STAU1: variants seen among roughly 807,000 people sequenced by gnomAD.
STAU1 encodes the protein double-stranded RNA-binding protein Staufen homolog 1.
STAU1 carries 13 observed loss-of-function variants against 62.9 expected under a neutral mutation model. The observed-to-expected ratio is 0.21, with a 90% confidence interval of 0.13 to 0.33. The LOEUF (loss-of-function observed/expected upper bound fraction) is 0.33. Among genes scored for constraint, STAU1 ranks in the 10% least tolerant of loss-of-function variants. The pLI, the probability that STAU1 is intolerant of heterozygous loss-of-function variation, is 1.00. For synonymous variants in STAU1, 269 were observed against 265.1 expected, an observed-to-expected ratio of 1.01 and a Z score of -0.14; for missense variants, 571 against 712.1, an observed-to-expected ratio of 0.80 and a Z score of 2.25.
the STAU1 span, among the ~76,000 whole-genome samples, chr20:49,208,345 A>G: frequency 6.6e-6 from 1 of 152,026 alleles, no homozygotes; most frequent in South Asian, 2.1e-4. Flanking sequence ...GGTGTGAGCC[A>G]CCGCACGTGG....
chr20:49,123,290 T>C, intron 7 of STAU1, 55 bp from the exon 8 acceptor site: 2 of 1,613,158 alleles, frequency 1.2e-6, no homozygotes, highest in Non-Finnish European at 1.7e-6. Context: ...ATGAACTTGG[T>C]CAACTCAGAG....
Position 49,117,393 on chromosome 20 carries a change from T to G in STAU1, c.1510-145A>C. ...TGTGGCCATACTAACACCTGCCCTG[T>G]CAGCCCAGAACCTTCCAGGAACCTA... On this transcript the variant is annotated intron_variant, in intron 11 of 13. Transcript: ENST00000371856. This position sits in a 1 kb window ranked among gnomAD's most constrained non-coding sequence, Gnocchi z 4.6. The G allele has an allele frequency of 9.8e-7, 1 of 1,020,110 alleles. No homozygotes were observed. Among genetic ancestry groups the G allele is most frequent in the South Asian group, 1.6e-5 (1 of 63,718 alleles). 63.2% of individuals were successfully genotyped at this position (1,020,110 alleles called of 1,614,324 possible).
chr20:49,117,033 C>T lies in STAU1; in HGVS notation c.1632+93G>A. The T allele has an allele frequency of 6.7e-7, 1 of 1,483,178 alleles. No homozygotes were observed. Among genetic ancestry groups the T allele is most frequent in the Non-Finnish European group, 9.2e-7 (1 of 1,084,522 alleles). The allele number at this position is 1,483,178 out of a possible 1,614,324, so 91.9% of individuals were successfully genotyped here. On this transcript the variant is annotated intron_variant, in intron 12 of 13. Transcript: ENST00000371856. The surrounding 1 kb of genome is among the most constrained non-coding windows in gnomAD (Gnocchi z 4.6). Reference sequence around the variant, plus strand: ...TCTCAAGGTCTATGGGACAATCTTTCTCCCATCTTCCTCAGGCTAGTAACA... The same window carrying T: ...TCTCAAGGTCTATGGGACAATCTTTTTCCCATCTTCCTCAGGCTAGTAACA...
chr20:49,199,465 G>C, the STAU1 span, among the ~76,000 whole-genome samples: 1 of 151,180 alleles, frequency 6.6e-6, no homozygotes, highest in African/African-American at 2.4e-5. Context: ...TCTTGACCTT[G>C]TGATCCGCCC....
intron 5 of STAU1, among the ~76,000 whole-genome samples, chr20:49,148,853 T>C (rs1403377065): frequency 6.6e-6 from 1 of 152,208 alleles, no homozygotes; most frequent in Non-Finnish European, 1.5e-5. Flanking sequence ...GTGATCACTC[T>C]CATGGAGGAC....
At chr20:49,217,673 T>TAA in the STAU1 span, among the ~76,000 whole-genome samples, 5 of 100,306 alleles carry the variant, frequency 5.0e-5, no homozygotes, top group East Asian at 8.9e-4. Flanking sequence ...TTTTTCCTTT[T>TAA]AAAATATATA....
intron 5 of STAU1, among the ~76,000 whole-genome samples, chr20:49,149,346 C>T (rs544061777): frequency 6.6e-6 from 1 of 150,472 alleles, no homozygotes; most frequent in African/African-American, 2.4e-5. Context: ...ACACACACAC[C>T]CCCAAGCAAG....
At chr20:49,148,660 G>C (rs1270303264) in intron 5 of STAU1, among the ~76,000 whole-genome samples, 1 of 152,206 alleles carries the variant, frequency 6.6e-6, no homozygotes, top group Non-Finnish European at 1.5e-5. Flanking sequence ...GGCACAAGTA[G>C]ATTTAAACAC....
In STAU1 at chr20:49,151,532, T is replaced by C. The variant is rs778905706; in HGVS notation, c.510+50A>G. On this transcript the variant is annotated intron_variant, in intron 5 of 13. Transcript: ENST00000371856. The stretch of plus-strand genomic sequence containing the variant: ...ATAATGTGCGGTGACATCTCCCCAC[T>C]ACCCTCCTACCCTGTCGAAGCGTCA... 1.4e-4 allele frequency: 211 copies of C among 1,493,452 alleles called. 2 individuals are homozygous for C. In the Admixed American group the frequency reaches 4.1e-3, roughly 29 times the overall value. 92.5% of individuals were successfully genotyped at this position (1,493,452 alleles called of 1,614,324 possible). A position where few individuals can be genotyped will look rare whatever the true frequency, so the allele number is the denominator to read the frequency against.
intron 6 of STAU1, among the ~76,000 whole-genome samples, chr20:49,126,588 C>CAAAAACAAAACAAAACAAAAAA (rs2092624321): frequency 2.0e-4 from 11 of 56,378 alleles, no homozygotes; most frequent in African/African-American, 7.0e-4. Flanking sequence ...AAAAAAAAAA[C>CAAAAACAAAACAAAACAAAAAA]AAAAAAAAAA....
At chr20:49,137,832 A>ATTTTT (rs34370524) in intron 5 of STAU1, among the ~76,000 whole-genome samples, 13 of 128,444 alleles carry the variant, frequency 1.0e-4, no homozygotes, top group East Asian at 2.2e-4. Context: ...CACCCGGCTA[A>ATTTTT]TTTTTTTTTT....
chr20:49,151,819 G>C (rs184823828), intron 4 of STAU1, 72 bp from the exon 5 acceptor site: 15 of 1,362,226 alleles, frequency 1.1e-5, no homozygotes, highest in South Asian at 6.9e-5. Flanking sequence ...TCTGGCAAAT[G>C]CAAGTATTTC....
chr20:49,206,728 T>TAA, the STAU1 span, among the ~76,000 whole-genome samples: 218 of 80,850 alleles, frequency 2.7e-3, 3 homozygotes, highest in African/African-American at 0.011. Flanking sequence ...TTTATATATA[T>TAA]ATATATATAT....
chr20:49,155,701 C>T (rs1282842279), intron 3 of STAU1, among the ~76,000 whole-genome samples: 2 of 152,196 alleles, frequency 1.3e-5, no homozygotes, highest in African/African-American at 2.4e-5. Flanking sequence ...AATTACAGAT[C>T]TCTCTCTTCC....
At chr20:49,119,395 C>G (rs1450378237) in intron 9 of STAU1, among the ~76,000 whole-genome samples, 2 of 152,088 alleles carry the variant, frequency 1.3e-5, no homozygotes, top group Non-Finnish European at 2.9e-5. Context: ...TCAGACTGGT[C>G]TTGAACTCCT....
intron 1 of STAU1, 140 bp from the exon 2 acceptor site, chr20:49,174,409 T>C (rs1039369336): frequency 1.3e-5 from 2 of 152,214 alleles, no homozygotes; most frequent in African/African-American, 4.8e-5. Flanking sequence ...TGAGGCAGCA[T>C]GCAGTAGAGT....
chr20:49,118,816 T>TA (rs2092394954), intron 9 of STAU1, among the ~76,000 whole-genome samples: 1 of 152,200 alleles, frequency 6.6e-6, no homozygotes, highest in African/African-American at 2.4e-5. Context: ...GATATCCAAT[T>TA]AAAAAATAAG....
At chr20:49,186,741 C>T (rs928703774) in intron 1 of STAU1, among the ~76,000 whole-genome samples, 19 of 152,048 alleles carry the variant, frequency 1.2e-4, no homozygotes, top group Non-Finnish European at 2.6e-4. Context: ...GTTTTTACCT[C>T]AACAAGTAGC....
At chr20:49,159,109 G>T in intron 3 of STAU1, 1 of 1,122,414 alleles carries the variant, frequency 8.9e-7, no homozygotes, top group Non-Finnish European at 1.1e-6. Context: ...GGGTCATCTT[G>T]GTGATTGTCT....
Sources: gnomAD v4.1 joint callset for allele counts (sites outside exome capture counted in the v4.1 genomes callset) on GRCh38, gnomAD v4.1.1 for gene constraint, Gnocchi (gnomAD v3.1) non-coding constraint, MANE v1.5 for transcripts, NCBI Gene and HGNC (gene_info 2026-07-23, HGNC 2026-07-21) for gene names.